The following SGCG variants were observed in gnomAD, a reference collection of about 807,000 sequenced individuals.
The protein encoded by SGCG is gamma-sarcoglycan.
SGCG carries 26 observed loss-of-function variants against 29.3 expected under a neutral mutation model. The observed-to-expected ratio is 0.89, with a 90% CI of 0.65 to 1.23. The LOEUF (loss-of-function observed/expected upper bound fraction) is 1.23. Among genes scored for constraint, SGCG ranks in the 50% most tolerant of loss-of-function variants. SGCG has a pLI of 0.00. For missense variants in SGCG, 353 were observed against 356.0 expected (o/e 0.99, Z 0.07); for synonymous variants, 145 against 129.7 (o/e 1.12, Z -0.80).
chr13:23,301,834 G>A (rs1212925329), intron 6 of SGCG, among the ~76,000 whole-genome samples: 2 of 151,954 alleles, frequency 1.3e-5, no homozygotes, highest in Non-Finnish European at 2.9e-5. Flanking sequence ...AGAGGTTGCA[G>A]TGAGCTGAAA....
At chr13:23,303,495 TC>T (rs1164108917) in intron 6 of SGCG, among the ~76,000 whole-genome samples, 1 of 152,216 alleles carries the variant, frequency 6.6e-6, no homozygotes, top group Non-Finnish European at 1.5e-5. Context: ...GGGAATCCAG[TC>T]AGTGCACGGG....
At chr13:23,238,157 A>G (rs1045189632) in intron 3 of SGCG, among the ~76,000 whole-genome samples, 1 of 152,148 alleles carries the variant, frequency 6.6e-6, no homozygotes, top group African/African-American at 2.4e-5. Flanking sequence ...GCATGAAGAG[A>G]GTTTCCAGGC....
At chr13:23,261,200 C>T (rs1030160862) in intron 4 of SGCG, among the ~76,000 whole-genome samples, 7 of 152,004 alleles carry the variant, frequency 4.6e-5, no homozygotes, top group East Asian at 1.9e-4. Flanking sequence ...GATCTTTTCA[C>T]GTAGTCCCAT....
In SGCG at chr13:23,245,234, G is replaced by A. The variant is rs1487051598; in HGVS notation, c.298-5396G>A. ...TTCTAAAAGAAATGGCTTCTCTGGA[G>A]GAGGGCATCTACAGCCTTAAAATTA... On this transcript the variant is annotated intron_variant, in intron 3 of 7. Coordinates refer to ENST00000218867, the MANE Select transcript of SGCG (RefSeq NM_000231.3). The A allele has an allele frequency of 3.3e-5, 5 of 152,298 alleles. No individual in the cohort carries two copies. The East Asian group carries it at 7.7e-4, about 24-fold the overall frequency. 9.4% of individuals were successfully genotyped at this position (152,298 alleles called of 1,614,324 possible).
chr13:23,253,467 C>T (rs761213396), intron 4 of SGCG, among the ~76,000 whole-genome samples: 8 of 152,176 alleles, frequency 5.3e-5, no homozygotes, highest in Non-Finnish European at 1.0e-4. Context: ...CATGACTTCC[C>T]ACAGTTGCAA....
At chr13:23,241,535 A>C (rs915968384) in intron 3 of SGCG, among the ~76,000 whole-genome samples, 2 of 152,212 alleles carry the variant, frequency 1.3e-5, no homozygotes, top group African/African-American at 4.8e-5. Context: ...GAATTCTACC[A>C]AACATTTAAA....
intron 6 of SGCG, among the ~76,000 whole-genome samples, chr13:23,301,259 G>T (rs567101242): frequency 6.6e-6 from 1 of 152,038 alleles, no homozygotes; most frequent in Non-Finnish European, 1.5e-5. Flanking sequence ...GGAAAAAAAT[G>T]AATAGAAATG....
intron 2 of SGCG, among the ~76,000 whole-genome samples, chr13:23,230,571 T>G (rs1364237095): frequency 6.6e-6 from 1 of 152,206 alleles, no homozygotes; most frequent in East Asian, 1.9e-4. Context: ...ACTTCTGATT[T>G]GGCCCTCAGC....
Position 23,299,450 on chromosome 13 carries a change from A to ATT in SGCG, c.578+3964_578+3965insTT, listed in dbSNP as rs1345857156. On this transcript the variant is annotated intron_variant, in intron 6 of 7. Transcript: ENST00000218867. ...TATATATATATATATATATATATAT[A>ATT]TATATATTTTTTTTTTTTTTTTAGT... Among the ~76,000 whole-genome samples the ATT allele has an allele frequency of 2.7e-3, 101 of 37,644 alleles. 4 individuals are homozygous for ATT. The highest frequency in any genetic ancestry group is 4.2e-3 in the Non-Finnish European group (78 of 18,364). The allele number at this position is 37,644 out of a possible 152,430, so 24.7% of individuals were successfully genotyped here.
At chr13:23,314,651 A>G (rs1218795986) in intron 6 of SGCG, among the ~76,000 whole-genome samples, 1 of 151,908 alleles carries the variant, frequency 6.6e-6, no homozygotes, top group Non-Finnish European at 1.5e-5. Context: ...CCAGTGAGCA[A>G]GAAGTGGCAA....
the SGCG span, among the ~76,000 whole-genome samples, chr13:23,170,230 T>C: frequency 6.6e-6 from 1 of 152,240 alleles, no homozygotes; most frequent in African/African-American, 2.4e-5. Context: ...ATTTCTTTCA[T>C]GTTAAGGAAC....
upstream of SGCG, among the ~76,000 whole-genome samples, chr13:23,177,524 G>A (rs547290416): frequency 6.6e-5 from 9 of 135,738 alleles, no homozygotes; most frequent in South Asian, 2.4e-4. Flanking sequence ...ATATGTGTCC[G>A]TTTTTTTTTA....
chr13:23,275,021 T>A (rs1881014653), intron 4 of SGCG, among the ~76,000 whole-genome samples: 1 of 151,362 alleles, frequency 6.6e-6, no homozygotes, highest in African/African-American at 2.4e-5. Context: ...TACAATAAAT[T>A]TTTGTTAAAT....
intron 4 of SGCG, among the ~76,000 whole-genome samples, chr13:23,255,579 C>T (rs985735736): frequency 1.3e-5 from 2 of 152,100 alleles, no homozygotes; most frequent in Admixed American, 1.3e-4. Flanking sequence ...AACGTAACCT[C>T]CAATGTAGGA....
rs201855812 is a variant in SGCG, at chr13:23,307,593, CT to C, written c.578+12107del. On this transcript the variant is annotated intron_variant, in intron 6 of 7. Transcript: ENST00000218867. Reference sequence around the variant, plus strand: ...CTTTTAGGAGATAGGTTCTACAGAACTGTATGGGTTTTTTTCAAGGTTCTAA... The same window carrying C: ...CTTTTAGGAGATAGGTTCTACAGAACGTATGGGTTTTTTTCAAGGTTCTAA... Among the ~76,000 whole-genome samples the C allele has an allele frequency of 5.4e-3, 827 of 152,042 alleles. 8 individuals carry two copies. The highest frequency in any genetic ancestry group is 0.019 in the African/African-American group (785 of 41,472).
intron 6 of SGCG, among the ~76,000 whole-genome samples, chr13:23,304,002 G>A (rs1212733027): frequency 6.6e-6 from 1 of 152,128 alleles, no homozygotes; most frequent in Non-Finnish European, 1.5e-5. Flanking sequence ...CTCTTAATAT[G>A]AGTGAGGTGG....
At chr13:23,205,441 T>G (rs1047009721) in intron 2 of SGCG, among the ~76,000 whole-genome samples, 1 of 152,148 alleles carries the variant, frequency 6.6e-6, no homozygotes, top group African/African-American at 2.4e-5. Context: ...GGCAGTGTCC[T>G]GGGTAGGAGG....
intron 4 of SGCG, among the ~76,000 whole-genome samples, chr13:23,277,640 G>A (rs942453912): frequency 3.3e-5 from 5 of 151,406 alleles, no homozygotes; most frequent in Non-Finnish European, 5.9e-5. Flanking sequence ...GAACTGTTAG[G>A]GTCAGAGGGG....
In SGCG at chr13:23,322,675, A is replaced by G. The variant is rs1297836425; in HGVS notation, c.703-1693A>G. Among the ~76,000 whole-genome samples the G allele has an allele frequency of 2.5e-4, 38 of 151,566 alleles. 1 individual carries two copies. Among genetic ancestry groups the G allele is most frequent in the Admixed American group, 2.4e-3 (37 of 15,202 alleles). On this transcript the variant is annotated intron_variant, in intron 7 of 7. Transcript: ENST00000218867. ...ATAAACATCCATGGACGCTGTTAGTACAACAAGAAGGCACATGGGTTTCCA... is the reference window on the plus strand; with the variant it reads ...ATAAACATCCATGGACGCTGTTAGTGCAACAAGAAGGCACATGGGTTTCCA...
Sources: gnomAD v4.1 joint callset for allele counts (sites outside exome capture counted in the v4.1 genomes callset) on GRCh38, gnomAD v4.1.1 for gene constraint, MANE v1.5 for transcripts, NCBI Gene and HGNC (gene_info 2026-07-23, HGNC 2026-07-21) for gene names.